The following TLN2 variants were observed in gnomAD, a reference collection of about 807,000 sequenced individuals.
TLN2 encodes the protein talin-2.
Under a neutral mutation model 294.7 loss-of-function variants are expected in TLN2, and 118 were observed. That is an observed-to-expected ratio of 0.40 (90% confidence interval 0.34 to 0.47). The LOEUF is 0.47. Ranked by LOEUF, TLN2 falls within the 20% of genes least tolerant of loss-of-function variation. The pLI, the probability that TLN2 is intolerant of heterozygous loss-of-function variation, is 0.84. For synonymous variants in TLN2, 1,431 were observed against 1,304.5 expected (o/e 1.10, Z -2.09); for missense variants, 3,083 against 3,282.2 (o/e 0.94, Z 1.48).
chr15:62,733,182 G>A (rs1031810998), intron 28 of TLN2, among the ~76,000 whole-genome samples: 4 of 152,172 alleles, frequency 2.6e-5, no homozygotes, highest in African/African-American at 9.7e-5. Flanking sequence ...CTGTGGAGAG[G>A]GCAGGGAAAC....
At position 62,692,917 on chromosome 15, in the gene TLN2, C is replaced by G; in HGVS notation, c.1191C>G (p.Gly397=). The G allele has an allele frequency of 9.9e-6, 16 of 1,612,282 alleles. No homozygotes were observed. Among genetic ancestry groups the G allele is most frequent in the Non-Finnish European group, 1.0e-5 (12 of 1,179,276 alleles). The change falls in exon 13 of 59, where the codon GGC becomes GGG. Residue 397 remains glycine, a synonymous_variant. Transcript: ENST00000636159. ...EGEQISQLIA[G]YIDIILKKKQ... The stretch of plus-strand genomic sequence containing the variant: ...AGCAGATATCCCAGCTGATTGCAGG[C>G]TACATTGACATCATCCTGAAAAAGG...
intron 48 of TLN2, among the ~76,000 whole-genome samples, chr15:62,798,461 G>A (rs542418537): frequency 1.3e-5 from 2 of 151,826 alleles, no homozygotes; most frequent in African/African-American, 4.8e-5. Flanking sequence ...ACAAGTATAT[G>A]TTCACCTGTT....
At chr15:62,547,873 T>G (rs886830425) in intron 1 of TLN2, among the ~76,000 whole-genome samples, 6 of 148,650 alleles carry the variant, frequency 4.0e-5, no homozygotes, top group South Asian at 2.1e-4. Context: ...CCTCTGAAAT[T>G]GCTGTCTATC....
chr15:62,815,219 A>T (rs2067017183), intron 52 of TLN2, among the ~76,000 whole-genome samples: 1 of 149,038 alleles, frequency 6.7e-6, no homozygotes, highest in African/African-American at 2.5e-5. Context: ...ACACACACAC[A>T]CACACACACA....
intron 3 of TLN2, among the ~76,000 whole-genome samples, chr15:62,633,346 C>T (rs541623955): frequency 6.6e-6 from 1 of 152,358 alleles, no homozygotes; most frequent in East Asian, 1.9e-4. Flanking sequence ...ACTCAGGCTG[C>T]AGTACGGTGA....
intron 1 of TLN2, among the ~76,000 whole-genome samples, chr15:62,447,871 C>A (rs550373190): frequency 3.3e-5 from 5 of 152,276 alleles, no homozygotes; most frequent in Admixed American, 3.3e-4. Flanking sequence ...GGTTTTGTTC[C>A]TGCTATGTCC....
chr15:62,702,577 T>C (rs558385617), intron 18 of TLN2, among the ~76,000 whole-genome samples, 189 bp from the exon 19 acceptor site: 2 of 152,348 alleles, frequency 1.3e-5, no homozygotes, highest in African/African-American at 4.8e-5. Flanking sequence ...TATTGCTGGT[T>C]TGTGAGACAC....
intron 14 of TLN2, among the ~76,000 whole-genome samples, chr15:62,695,713 A>G (rs1295998749): frequency 2.0e-5 from 3 of 152,210 alleles, no homozygotes; most frequent in African/African-American, 7.2e-5. Context: ...GCAAGTTGGA[A>G]CCAAACTTGA....
rs757672834 is a variant in TLN2 at position 62,820,515 on chromosome 15, A to G, written c.6907A>G (p.Thr2303Ala). 5 of 1,613,734 alleles carry G rather than the reference A, an allele frequency of 3.1e-6. No individual in the cohort carries two copies. The South Asian group carries it at 5.5e-5, about 18-fold the overall frequency. ...AGAGTGGGTGGATCCAGAAGACCCA[A>G]CTGTCATTGCAGAAACAGAGTTACT... ...GTEWVDPEDPTVIAETELLGA... is the reference protein window; with the variant it reads ...GTEWVDPEDPAVIAETELLGA... The change falls in exon 54 of 59, where the codon ACT becomes GCT. Residue 2303 changes from threonine to alanine, a missense_variant. Transcript: ENST00000636159.
chr15:62,824,898 T>G (rs1013285564), intron 54 of TLN2, among the ~76,000 whole-genome samples: 6 of 152,218 alleles, frequency 3.9e-5, no homozygotes, highest in Admixed American at 2.6e-4. Context: ...AGAACTACTG[T>G]TCTCAATGTT....
At chr15:62,490,257 G>A (rs953215179) in intron 1 of TLN2, among the ~76,000 whole-genome samples, 1 of 152,104 alleles carries the variant, frequency 6.6e-6, no homozygotes, top group African/African-American at 2.4e-5. Flanking sequence ...TAAAGGGATT[G>A]TTACCACAAT....
chr15:62,507,701 T>C (rs565644025), intron 1 of TLN2, among the ~76,000 whole-genome samples: 9 of 152,232 alleles, frequency 5.9e-5, no homozygotes, highest in Admixed American at 1.3e-4. Flanking sequence ...AACTGTGTAA[T>C]TGAAGCATAG....
intron 45 of TLN2, among the ~76,000 whole-genome samples, chr15:62,785,671 A>C: frequency 1.2e-5 from 1 of 81,898 alleles, no homozygotes; most frequent in East Asian, 3.8e-4. Flanking sequence ...AAAAAAGGGG[A>C]AGAAGTGTTT....
chr15:62,718,755 T>C (rs1274262133), intron 24 of TLN2, among the ~76,000 whole-genome samples: 3 of 152,166 alleles, frequency 2.0e-5, no homozygotes, highest in Admixed American at 6.5e-5. Flanking sequence ...GTGAAAACTT[T>C]CTTCTCAGGA....
intron 1 of TLN2, among the ~76,000 whole-genome samples, chr15:62,543,724 C>T (rs1052852926): frequency 7.0e-6 from 1 of 142,924 alleles, no homozygotes; most frequent in African/African-American, 2.7e-5. Context: ...CACTGCACTC[C>T]AGCCTGGTGA....
rs182791293 is a variant in TLN2, at chr15:62,583,781, T to C, written c.-237-5906T>C. 9.1e-4 allele frequency among the ~76,000 whole-genome samples: 139 copies of C among 152,334 alleles called. 1 individual carries two copies. The highest frequency in any genetic ancestry group is 1.1e-3 in the Non-Finnish European group (73 of 68,024). On this transcript the variant is annotated intron_variant, in intron 1 of 58. Coordinates refer to ENST00000636159, the MANE Select transcript of TLN2 (RefSeq NM_015059.3). ...GTACCAAGTAGAGTTCCTGTTCTCA[T>C]GGAGTTTGCATTCTAGTTACACCTA...
chr15:62,740,682 C>A lies in TLN2; in HGVS notation c.3938C>A (p.Ala1313Glu). 1 of 1,614,214 alleles carries A rather than the reference C, an allele frequency of 6.2e-7. No individual in the cohort carries two copies. The highest frequency in any genetic ancestry group is 8.5e-7 in the Non-Finnish European group (1 of 1,180,044). Residue 1313 changes from alanine (A) to glutamate (E), a missense_variant, in exon 32 of 59, where the codon GCA becomes GAA. Coordinates refer to ENST00000636159, the MANE Select transcript of TLN2 (RefSeq NM_015059.3). Reference sequence around the variant, plus strand: ...GGGAACCTCAAGAATATCTCGATGGCATCCAGCAAGCTGCTGTTAGCTGCC... The same window carrying A: ...GGGAACCTCAAGAATATCTCGATGGAATCCAGCAAGCTGCTGTTAGCTGCC... Reference protein sequence around the residue: ...VIGNLKNISMASSKLLLAAKS... With the variant: ...VIGNLKNISMESSKLLLAAKS...
chr15:62,780,512 C>T (rs1293287986), intron 43 of TLN2, among the ~76,000 whole-genome samples: 1 of 152,196 alleles, frequency 6.6e-6, no homozygotes, highest in Non-Finnish European at 1.5e-5. Flanking sequence ...ACCAATATGT[C>T]CCCAAGCCTT....
chr15:62,765,476 C>G (rs1046680625), intron 40 of TLN2, among the ~76,000 whole-genome samples: 1 of 152,170 alleles, frequency 6.6e-6, no homozygotes, highest in African/African-American at 2.4e-5. Context: ...AGCAGGACAT[C>G]GCTACTTTGG....
Sources: allele counts gnomAD v4.1 joint callset (sites outside exome capture counted in the v4.1 genomes callset), GRCh38; gene constraint gnomAD v4.1.1; transcripts MANE v1.5; gene names NCBI Gene and HGNC (gene_info 2026-07-23, HGNC 2026-07-21).